The following FGFR1OP2 variants were observed in gnomAD, a reference collection of about 807,000 sequenced individuals.
The protein encoded by FGFR1OP2 is fibroblast growth factor receptor 1 oncogene partner 2.
FGFR1OP2 carries 17 observed loss-of-function variants against 35.2 expected under a neutral mutation model. The ratio of observed to expected loss-of-function variants is 0.48; its 90% confidence interval spans 0.33 to 0.73. FGFR1OP2 has a LOEUF of 0.73. Ranked by LOEUF, FGFR1OP2 falls within the 30% of genes least tolerant of loss-of-function variation. The pLI, the probability that FGFR1OP2 is intolerant of heterozygous loss-of-function variation, is 0.02. For synonymous variants in FGFR1OP2, 105 were observed against 104.6 expected (o/e 1.00, Z -0.03); for missense variants, 251 against 307.3 (o/e 0.82, Z 1.37).
chr12:26,939,984 A>G (rs1011399705), intron 1 of FGFR1OP2, among the ~76,000 whole-genome samples: 2 of 152,244 alleles, frequency 1.3e-5, no homozygotes, highest in African/African-American at 2.4e-5. Context: ...TACACATGCA[A>G]TTGGACTTTT....
rs565842905 is a variant in FGFR1OP2 at position 26,958,719 on chromosome 12, G to C, written c.396+976G>C. Among the ~76,000 whole-genome samples the C allele has an allele frequency of 5.9e-5, 9 of 152,058 alleles. No homozygotes were observed. In the East Asian group the frequency reaches 1.7e-3, roughly 29 times the overall value. On this transcript the variant is annotated intron_variant, in intron 4 of 6. Transcript: ENST00000229395. ...GTCATCCCTGTGTCTATTCCCTTTG[G>C]TATGTCCCCATATTTTATGGCATAT...
At chr12:26,943,297 G>C (rs57552082) in intron 1 of FGFR1OP2, among the ~76,000 whole-genome samples, 59 of 152,124 alleles carry the variant, frequency 3.9e-4, no homozygotes, top group Middle Eastern at 3.4e-3. Context: ...GTTTCTATCA[G>C]CTCTATGCCA....
At chr12:26,958,467 C>T (rs1030283259) in intron 4 of FGFR1OP2, among the ~76,000 whole-genome samples, 2 of 152,148 alleles carry the variant, frequency 1.3e-5, no homozygotes, top group South Asian at 2.1e-4. Flanking sequence ...AATCTGAAAG[C>T]AGTTTAATGT....
chr12:26,956,368 G>A (rs961145595), intron 2 of FGFR1OP2, among the ~76,000 whole-genome samples, 175 bp from the exon 3 acceptor site: 1 of 151,180 alleles, frequency 6.6e-6, no homozygotes, highest in African/African-American at 2.4e-5. Flanking sequence ...TTTAAAAATG[G>A]GGTTATTTTC....
chr12:26,950,799 G>T (rs748677768), intron 1 of FGFR1OP2, among the ~76,000 whole-genome samples: 1 of 152,160 alleles, frequency 6.6e-6, no homozygotes, highest in Non-Finnish European at 1.5e-5. Flanking sequence ...AAACAGTAAA[G>T]TCAGGATTTG....
At chr12:26,942,089 A>G (rs867189404) in intron 1 of FGFR1OP2, among the ~76,000 whole-genome samples, 1 of 152,068 alleles carries the variant, frequency 6.6e-6, no homozygotes, top group Non-Finnish European at 1.5e-5. Flanking sequence ...CTGGAGTGCA[A>G]TGGTGCGATC....
intron 4 of FGFR1OP2, chr12:26,957,957 G>A (rs1225298127): frequency 2.5e-6 from 1 of 402,628 alleles, no homozygotes; most frequent in Non-Finnish European, 4.3e-6. Context: ...AACTCTCACT[G>A]TTTCTTAGAA....
intron 1 of FGFR1OP2, among the ~76,000 whole-genome samples, chr12:26,940,586 A>G (rs1375788482): frequency 2.0e-5 from 3 of 152,180 alleles, no homozygotes; most frequent in African/African-American, 4.8e-5. Context: ...TTATGTACTA[A>G]TTAATATTAG....
intron 1 of FGFR1OP2, among the ~76,000 whole-genome samples, chr12:26,947,479 C>T (rs1938847927): frequency 2.0e-5 from 3 of 152,066 alleles, no homozygotes; most frequent in Admixed American, 1.3e-4. Context: ...AGTGGCACAG[C>T]CAGGGTTGAC....
chr12:26,941,940 T>C (rs908508839), intron 1 of FGFR1OP2, among the ~76,000 whole-genome samples: 1 of 152,218 alleles, frequency 6.6e-6, no homozygotes, highest in African/African-American at 2.4e-5. Context: ...CAGTGTGGCT[T>C]AGGAATAGGA....
chr12:26,948,605 C>T (rs780787437), intron 1 of FGFR1OP2, among the ~76,000 whole-genome samples: 16 of 152,108 alleles, frequency 1.1e-4, no homozygotes, highest in African/African-American at 2.4e-4. Context: ...GTGACTACAA[C>T]GTGTCTGGAG....
At chr12:26,955,189 G>C (rs185203889) in intron 2 of FGFR1OP2, among the ~76,000 whole-genome samples, 124 of 152,316 alleles carry the variant, frequency 8.1e-4, no homozygotes, top group Non-Finnish European at 1.4e-3. Context: ...GACATCTGAA[G>C]TTAAGAACCA....
At chr12:26,950,009 A>G (rs1040683367) in intron 1 of FGFR1OP2, among the ~76,000 whole-genome samples, 7 of 152,044 alleles carry the variant, frequency 4.6e-5, no homozygotes, top group Non-Finnish European at 8.8e-5. Flanking sequence ...TTGTGTATCT[A>G]TCATGGAGTC....
At chr12:26,940,348 T>C (rs1044186192) in intron 1 of FGFR1OP2, among the ~76,000 whole-genome samples, 2 of 152,236 alleles carry the variant, frequency 1.3e-5, no homozygotes, top group African/African-American at 4.8e-5. Flanking sequence ...TAAAAATTAA[T>C]TTTCTTCAGA....
chr12:26,944,943 T>C (rs1938796988), intron 1 of FGFR1OP2, among the ~76,000 whole-genome samples: 1 of 152,142 alleles, frequency 6.6e-6, no homozygotes. Context: ...CTTTATGTAG[T>C]TTGTGTTTTT....
intron 2 of FGFR1OP2, among the ~76,000 whole-genome samples, chr12:26,954,858 T>C (rs1165799379): frequency 3.3e-5 from 5 of 152,160 alleles, no homozygotes; most frequent in African/African-American, 1.2e-4. Context: ...GGCCACGGAG[T>C]TTAGACACTA....
At chr12:26,950,398 T>G (rs1938908140) in intron 1 of FGFR1OP2, among the ~76,000 whole-genome samples, 1 of 151,762 alleles carries the variant, frequency 6.6e-6, no homozygotes, top group African/African-American at 2.4e-5. Flanking sequence ...AATTTTTTTT[T>G]TGTATTTTTA....
intron 5 of FGFR1OP2, chr12:26,963,044 CAA>C: frequency 1.5e-5 from 3 of 205,368 alleles, no homozygotes; most frequent in Non-Finnish European, 2.9e-5. Context: ...TATGTAAGTG[CAA>C]AAAAAAAGAA....
chr12:26,956,418 G>C (rs1166746470), intron 2 of FGFR1OP2, 125 bp from the exon 3 acceptor site: 1 of 217,746 alleles, frequency 4.6e-6, no homozygotes, highest in African/African-American at 2.4e-5. Flanking sequence ...ATATATTCTG[G>C]ATACTAAGCT....
Sources: gnomAD v4.1 joint callset for allele counts (sites outside exome capture counted in the v4.1 genomes callset) on GRCh38, gnomAD v4.1.1 for gene constraint, MANE v1.5 for transcripts, NCBI Gene and HGNC (gene_info 2026-07-23, HGNC 2026-07-21) for gene names.